EXOC2: variants seen among roughly 807,000 people sequenced by gnomAD.
EXOC2 encodes the protein exocyst complex component 2, also known as SEC5-like 1.
A neutral mutation model predicts 131.8 loss-of-function variants in EXOC2; 70 were observed. The ratio of observed to expected loss-of-function variants is 0.53; its 90% CI spans 0.44 to 0.65. EXOC2 has a LOEUF of 0.65. Ranked by LOEUF, EXOC2 falls within the 30% of genes least tolerant of loss-of-function variation. The pLI, the probability that EXOC2 is intolerant of heterozygous loss-of-function variation, is 0.00. For missense variants in EXOC2, 923 were observed against 1,108.6 expected (o/e 0.83, Z 2.38); for synonymous variants, 411 against 398.4 (o/e 1.03, Z -0.38).
chr6:542,292 A>G (rs1756600728), intron 22 of EXOC2, among the ~76,000 whole-genome samples: 2 of 152,224 alleles, frequency 1.3e-5, no homozygotes, highest in Admixed American at 6.5e-5. Flanking sequence ...TAACATAAAA[A>G]CATTTAAAAA....
At chr6:688,656 G>A (rs1764775742) in intron 1 of EXOC2, among the ~76,000 whole-genome samples, 1 of 152,116 alleles carries the variant, frequency 6.6e-6, no homozygotes, top group Non-Finnish European at 1.5e-5. Context: ...GGCAACAGTC[G>A]GATCCTCCTC....
chr6:603,517 A>C (rs1457722623), intron 7 of EXOC2, among the ~76,000 whole-genome samples: 2 of 152,280 alleles, frequency 1.3e-5, no homozygotes, highest in East Asian at 3.9e-4. Context: ...CTTCACCTCC[A>C]AGCTGAGTTG....
chr6:692,964 C>G (rs1449273266), intron 1 of EXOC2, 55 bp downstream of exon 1: 1 of 152,618 alleles, frequency 6.6e-6, no homozygotes, highest in African/African-American at 2.4e-5. Flanking sequence ...CTCCGTGCAG[C>G]TGACGTCCAT....
intron 1 of EXOC2, chr6:669,372 G>C (rs1763760312): frequency 1.3e-5 from 2 of 152,276 alleles, no homozygotes; most frequent in Admixed American, 6.5e-5. Context: ...CAGTATGAAG[G>C]GAGTTCTCCT....
chr6:673,252 CAAAAAAAAAAAAAAAAAAAAAAAAA>C (rs56189394), intron 1 of EXOC2, among the ~76,000 whole-genome samples: 2 of 64,282 alleles, frequency 3.1e-5, no homozygotes, highest in Non-Finnish European at 5.6e-5. Flanking sequence ...ACTCCATAGC[CAAAAAAAAAAAAAAAAAAAAAAAAA>C]AAAAAAAAAA....
At chr6:507,369 CA>C (rs1764627440) in intron 23 of EXOC2, among the ~76,000 whole-genome samples, 1 of 45,062 alleles carries the variant, frequency 2.2e-5, no homozygotes. Context: ...CACACACACA[CA>C]CACACACACA....
intron 23 of EXOC2, among the ~76,000 whole-genome samples, chr6:507,513 G>A (rs1764633949): frequency 6.6e-6 from 1 of 152,162 alleles, no homozygotes; most frequent in Admixed American, 6.5e-5. Context: ...GCAAATGCAT[G>A]AAATACAATT....
intron 5 of EXOC2, 112 bp from the exon 6 acceptor site, chr6:617,947 C>CA: frequency 8.0e-7 from 1 of 1,250,348 alleles, no homozygotes. Context: ...AAGTAGCACA[C>CA]AGATTAATAT....
intron 1 of EXOC2, among the ~76,000 whole-genome samples, chr6:651,060 G>T: frequency 6.8e-6 from 1 of 146,756 alleles, no homozygotes. Flanking sequence ...GCAGAATCTC[G>T]CTCTGTTGCC....
intron 2 of EXOC2, 105 bp from the exon 3 acceptor site, chr6:633,222 T>C: frequency 5.1e-6 from 6 of 1,186,516 alleles, no homozygotes; most frequent in Non-Finnish European, 7.1e-6. Flanking sequence ...ATAATGACAT[T>C]ATTGAATATA....
At chr6:523,645 T>G (rs1765598499) in intron 23 of EXOC2, among the ~76,000 whole-genome samples, 1 of 152,258 alleles carries the variant, frequency 6.6e-6, no homozygotes, top group African/African-American at 2.4e-5. Context: ...AATGTATGGT[T>G]TATTTTGGCA....
intron 1 of EXOC2, among the ~76,000 whole-genome samples, chr6:678,767 T>C (rs1764268795): frequency 1.3e-5 from 2 of 152,098 alleles, no homozygotes; most frequent in Admixed American, 1.3e-4. Flanking sequence ...GGTGGGAAAA[T>C]TCCAAACACT....
rs558229893 is a variant in EXOC2, at chr6:564,079, A to T, written c.1743T>A (p.Asp581Glu). The change falls in exon 16 of 28, where the codon GAT (aspartate) becomes GAA (glutamate). Residue 581 changes from aspartate to glutamate, a missense_variant. Physicochemically the swap from Asp to Glu is conservative, Grantham distance 45. Coordinates refer to ENST00000230449, the MANE Select transcript of EXOC2 (RefSeq NM_018303.6). ...TGGCCATTACGCAACGTACTCGGAGATCCAAGATGAGATCCTGGATAGTCT... is the reference window on the plus strand; with the variant it reads ...TGGCCATTACGCAACGTACTCGGAGTTCCAAGATGAGATCCTGGATAGTCT... Reference protein sequence around the residue: ...LLQTIQDLILDLRVRCVMATL... With the variant: ...LLQTIQDLILELRVRCVMATL... The T allele has an allele frequency of 1.1e-5, 17 of 1,614,114 alleles. No homozygotes were observed. In the African/African-American group the frequency reaches 2.3e-4, roughly 22 times the overall value.
chr6:624,240 C>G (rs1761439093), intron 4 of EXOC2, among the ~76,000 whole-genome samples: 1 of 152,180 alleles, frequency 6.6e-6, no homozygotes, highest in African/African-American at 2.4e-5. Context: ...TGGCTCATCT[C>G]AGTATTCCCA....
At chr6:626,697 T>C (rs1446416727) in intron 4 of EXOC2, among the ~76,000 whole-genome samples, 1 of 152,090 alleles carries the variant, frequency 6.6e-6, no homozygotes, top group Non-Finnish European at 1.5e-5. Context: ...GTTCAAGTGA[T>C]TCTCCTGCCT....
At chr6:625,911 T>C (rs899548916) in intron 4 of EXOC2, among the ~76,000 whole-genome samples, 5 of 150,068 alleles carry the variant, frequency 3.3e-5, no homozygotes, top group South Asian at 2.1e-4. Context: ...TTTCTGCCCC[T>C]GCGCCCATAT....
Position 562,858 on chromosome 6 carries a change from A to C in EXOC2, c.1790-13T>G, listed in dbSNP as rs761831016. 1.3e-5 allele frequency: 21 copies of C among 1,561,072 alleles called. No individual in the cohort carries two copies. In the East Asian group the frequency reaches 1.8e-4, roughly 14 times the overall value. On this transcript the variant is annotated splice_polypyrimidine_tract_variant and intron_variant, in intron 16 of 27. Transcript: ENST00000230449. ...AATCTCTTTATTTCTATATGAGAAGAAGCACACAAATACTTTATTATAATT... is the reference window on the plus strand; with the variant it reads ...AATCTCTTTATTTCTATATGAGAAGCAGCACACAAATACTTTATTATAATT...
At chr6:675,220 T>C (rs985726284) in intron 1 of EXOC2, among the ~76,000 whole-genome samples, 5 of 152,194 alleles carry the variant, frequency 3.3e-5, no homozygotes, top group African/African-American at 1.2e-4. Context: ...TTTCAACCTT[T>C]CTGAGCCACT....
chr6:538,540 G>A (rs1028721817), intron 22 of EXOC2, among the ~76,000 whole-genome samples: 3 of 152,170 alleles, frequency 2.0e-5, no homozygotes, highest in Non-Finnish European at 4.4e-5. Context: ...GTCACTGATG[G>A]GGGTGAGAAA....
Sources: allele counts gnomAD v4.1 joint callset (sites outside exome capture counted in the v4.1 genomes callset), GRCh38; gene constraint gnomAD v4.1.1; transcripts MANE v1.5; gene names NCBI Gene and HGNC (gene_info 2026-07-23, HGNC 2026-07-21).